The following RNF126 variants were observed in gnomAD, a reference collection of about 807,000 sequenced individuals.
RNF126 encodes ring finger protein 126, also known as E3 ubiquitin-protein ligase RNF126.
Under a neutral mutation model 41.9 loss-of-function variants are expected in RNF126, and 20 were observed. That is an observed-to-expected ratio of 0.48 (90% CI 0.34 to 0.69). The LOEUF (loss-of-function observed/expected upper bound fraction) is 0.69, where lower values mean the gene tolerates loss of function less well. RNF126 is among the 30% of genes least tolerant of loss of function. The probability of loss-of-function intolerance (pLI) is 0.01; values close to 1 mark genes in which losing one functional copy is unlikely to be tolerated. For missense variants in RNF126, 433 were observed against 460.6 expected (o/e 0.94, Z 0.55); for synonymous variants, 239 against 202.9 (o/e 1.18, Z -1.51).
At chr19:662,969 G>A in intron 1 of RNF126, 78 bp downstream of exon 1, 1 of 633,716 alleles carries the variant, frequency 1.6e-6, no homozygotes, top group South Asian at 4.7e-5. Context: ...GGGCGCAAGC[G>A]ACCCCCACCC....
rs1286334498 is a variant in RNF126 at position 659,402 on chromosome 19, C to T, written c.75+3645G>A. On this transcript the variant is annotated intron_variant, in intron 1 of 8. Coordinates refer to ENST00000292363, the MANE Select transcript of RNF126 (RefSeq NM_194460.3). The surrounding 1 kb of genome is among the most constrained non-coding windows in gnomAD (Gnocchi z 4.9). ...GGGCGGCAGGGCCCAGCACCCCCACCGTCCTCTCACCGCCACTTGGGGACA... is the reference window on the plus strand; with the variant it reads ...GGGCGGCAGGGCCCAGCACCCCCACTGTCCTCTCACCGCCACTTGGGGACA... 3.9e-5 allele frequency among the ~76,000 whole-genome samples: 6 copies of T among 152,160 alleles called. No individual in the cohort carries two copies. Among genetic ancestry groups the T allele is most frequent in the Non-Finnish European group, 8.8e-5 (6 of 68,006 alleles).
At chr19:649,072 G>A (rs537981971) in intron 6 of RNF126, 97 bp from the exon 7 acceptor site, 8 of 576,232 alleles carry the variant, frequency 1.4e-5, no homozygotes, top group East Asian at 1.4e-4. Flanking sequence ...CACCGAGGCC[G>A]CGTTTGTCCT....
At chr19:657,389 C>G (rs557196978) in intron 1 of RNF126, among the ~76,000 whole-genome samples, 13 of 152,220 alleles carry the variant, frequency 8.5e-5, no homozygotes, top group Admixed American at 8.5e-4. Context: ...CCCGCACTGC[C>G]GGCTCACGAC....
rs2030031351 is a variant in RNF126 at position 647,907 on chromosome 19, C to CGGGGAGGCT, written c.*212_*220dup. ...TTAGAGGGTGAGGTTAGACAGAGGA[C>CGGGGAGGCT]GGGGAGGCTGGGGACGCCCCAGAGG... On this transcript the variant is annotated 3_prime_UTR_variant, in exon 9 of 9. Coordinates refer to ENST00000292363, the MANE Select transcript of RNF126 (RefSeq NM_194460.3). 1 of 636,636 alleles carries CGGGGAGGCT rather than the reference C, an allele frequency of 1.6e-6. No individual in the cohort carries two copies. The highest frequency in any genetic ancestry group is 2.8e-6 in the Non-Finnish European group (1 of 359,352). 39.4% of individuals were successfully genotyped at this position (636,636 alleles called of 1,614,324 possible).
chr19:662,618 C>T (rs1230682916), intron 1 of RNF126, among the ~76,000 whole-genome samples: 1 of 152,184 alleles, frequency 6.6e-6, no homozygotes, highest in African/African-American at 2.4e-5. Context: ...CCGAGCCCCG[C>T]CAGGCCCAGC....
chr19:649,106 G>A (rs893439562), intron 6 of RNF126, 131 bp from the exon 7 acceptor site: 4 of 432,418 alleles, frequency 9.3e-6, no homozygotes, highest in Admixed American at 4.1e-5. Context: ...CTTGGAGCCC[G>A]CCCGGGGTCG....
chr19:648,309 G>T, intron 8 of RNF126, 32 bp from the exon 9 acceptor site: 1 of 1,543,466 alleles, frequency 6.5e-7, no homozygotes, highest in Non-Finnish European at 8.7e-7. Context: ...GACGGGAGAA[G>T]GGGCAGGTTA....
chr19:652,989 G>T, intron 1 of RNF126, 105 bp from the exon 2 acceptor site: 1 of 1,117,300 alleles, frequency 9.0e-7, no homozygotes, highest in Non-Finnish European at 1.3e-6. Context: ...TCTCTGGCTG[G>T]CCAGGCACAC....
At chr19:660,892 C>T (rs1181922030) in intron 1 of RNF126, among the ~76,000 whole-genome samples, 4 of 152,260 alleles carry the variant, frequency 2.6e-5, no homozygotes, top group African/African-American at 9.6e-5. Flanking sequence ...TTGCGTCCTG[C>T]TCCAAAGGCA....
In RNF126 at chr19:647,830, T is replaced by C; in HGVS notation, c.*298A>G. The C allele has an allele frequency of 1.9e-6, 1 of 522,658 alleles. No homozygotes were observed. The highest frequency in any genetic ancestry group is 3.5e-6 in the Non-Finnish European group (1 of 282,536). 32.4% of individuals were successfully genotyped at this position (522,658 alleles called of 1,614,324 possible). ...CCACGTGAGCTCAAACGTCCGTTTATTTCAAAGCAGTAATAATTTAAAATT... is the reference window on the plus strand; with the variant it reads ...CCACGTGAGCTCAAACGTCCGTTTACTTCAAAGCAGTAATAATTTAAAATT... On this transcript the variant is annotated 3_prime_UTR_variant, in exon 9 of 9. Coordinates refer to ENST00000292363, the MANE Select transcript of RNF126 (RefSeq NM_194460.3).
intron 1 of RNF126, among the ~76,000 whole-genome samples, chr19:658,704 T>C (rs1356231241): frequency 6.6e-6 from 1 of 152,118 alleles, no homozygotes; most frequent in East Asian, 1.9e-4. Context: ...GGACGAGGCG[T>C]GAGCGAAGCC....
chr19:658,336 G>A (rs964453039), intron 1 of RNF126, among the ~76,000 whole-genome samples: 4 of 151,888 alleles, frequency 2.6e-5, no homozygotes, highest in African/African-American at 7.3e-5. Flanking sequence ...GTGGGCTGGC[G>A]ACCTACAGGC....
At chr19:660,229 C>T (rs979307934) in intron 1 of RNF126, among the ~76,000 whole-genome samples, 4 of 152,244 alleles carry the variant, frequency 2.6e-5, no homozygotes, top group Non-Finnish European at 4.4e-5. Context: ...CCACGGGGAG[C>T]GAATCGCATC....
intron 3 of RNF126, 117 bp downstream of exon 3, chr19:652,116 A>T: frequency 2.1e-6 from 2 of 950,868 alleles, no homozygotes; most frequent in Non-Finnish European, 3.0e-6. Flanking sequence ...CTGGAGGGAA[A>T]AATTTCCTCC....
At position 661,357 on chromosome 19, in the gene RNF126, C is replaced by A. The variant is rs564291475; in HGVS notation, c.75+1690G>T. On this transcript the variant is annotated intron_variant, in intron 1 of 8. Transcript: ENST00000292363. ...GCAAGGGGCTGCCCTGCAACTCACC[C>A]AGGCTGGCGGGCTGTCAGGCAACCA... 3 of 152,554 alleles carry A rather than the reference C, an allele frequency of 2.0e-5. No individual in the cohort carries two copies. In the East Asian group the frequency reaches 5.8e-4, roughly 29 times the overall value. 9.5% of individuals were successfully genotyped at this position (152,554 alleles called of 1,614,324 possible).
chr19:648,996 G>C, intron 6 of RNF126, 21 bp from the exon 7 acceptor site: 1 of 1,318,608 alleles, frequency 7.6e-7, no homozygotes, highest in South Asian at 2.2e-5. Context: ...AGAGGCGAGA[G>C]TGCCGGGAGC....
At chr19:662,340 C>T (rs1026981249) in intron 1 of RNF126, among the ~76,000 whole-genome samples, 5 of 152,212 alleles carry the variant, frequency 3.3e-5, no homozygotes, top group African/African-American at 4.8e-5. Flanking sequence ...ACGCCCAGGC[C>T]CAGGGTCCTC....
At position 648,145 on chromosome 19, in the gene RNF126, C is replaced by A. The variant is rs374820130; in HGVS notation, c.919G>T (p.Ala307Ser). 2 of 1,594,478 alleles carry A rather than the reference C, an allele frequency of 1.3e-6. No individual in the cohort carries two copies. The highest frequency in any genetic ancestry group is 2.2e-5 in the East Asian group (1 of 44,518). Reference protein sequence around the residue: ...SSSSSPSNENATSNS With the variant: ...SSSSSPSNENSTSNS Reference sequence around the variant, plus strand: ...ACGTGGGCTCACGAGTTGCTTGTGGCGTTCTCGTTGCTGGGCGAGCTGGAG... The same window carrying A: ...ACGTGGGCTCACGAGTTGCTTGTGGAGTTCTCGTTGCTGGGCGAGCTGGAG... The change falls in exon 9 of 9, where the codon GCC (alanine) becomes TCC (serine). Residue 307 changes from alanine (A) to serine (S), a missense_variant. Physicochemically the swap from Ala to Ser is moderately conservative, Grantham distance 99 (BLOSUM62 1). Coordinates refer to ENST00000292363, the MANE Select transcript of RNF126 (RefSeq NM_194460.3).
In RNF126 at chr19:651,637, C is replaced by T. The variant is rs766592162; in HGVS notation, c.417G>A (p.Arg139=). The change falls in exon 4 of 9, where the codon CGG becomes CGA. Residue 139 remains arginine, a synonymous_variant. Coordinates refer to ENST00000292363, the MANE Select transcript of RNF126 (RefSeq NM_194460.3). The part of the protein sequence containing the change: ...ARLTTRRATG[R]HEGVPTLEGI... ...CTTCCAGCGTGGGGACGCCTTCGTG[C>T]CGGCCGGTGGCCCGCCGCGTGGTGA... The T allele has an allele frequency of 4.7e-6, 7 of 1,479,108 alleles. No homozygotes were observed. The African/African-American group carries it at 7.2e-5, about 15-fold the overall frequency. The allele number at this position is 1,479,108 out of a possible 1,614,324, so 91.6% of individuals were successfully genotyped here.
Sources: allele counts gnomAD v4.1 joint callset (sites outside exome capture counted in the v4.1 genomes callset), GRCh38; gene constraint gnomAD v4.1.1; non-coding constraint Gnocchi (gnomAD v3.1); transcripts MANE v1.5; gene names NCBI Gene and HGNC (gene_info 2026-07-23, HGNC 2026-07-21).